Variants in HEATR5B observed in about 807,000 individuals in gnomAD.
The protein encoded by HEATR5B is HEAT repeat containing 5B, also known as HEAT repeat-containing protein 5B.
In HEATR5B, 156 loss-of-function variants were observed where a neutral mutation model predicts 224.1. That is an observed-to-expected ratio of 0.70 (90% CI 0.61 to 0.80). The LOEUF (loss-of-function observed/expected upper bound fraction) is 0.80, where lower values mean the gene tolerates loss of function less well. Among genes scored for constraint, HEATR5B ranks in the 30% least tolerant of loss-of-function variants. HEATR5B has a pLI of 0.00. For missense variants in HEATR5B, 2,323 were observed against 2,535.5 expected (o/e 0.92, Z 1.80); for synonymous variants, 1,027 against 893.0 (o/e 1.15, Z -2.68).
chr2:37,060,798 CA>C (rs1168848392), intron 11 of HEATR5B, 65 bp from the exon 12 acceptor site: 2 of 1,340,582 alleles, frequency 1.5e-6, no homozygotes, highest in African/African-American at 2.9e-5. Flanking sequence ...AAGTGTCAAG[CA>C]AAATGAGCCC....
Position 37,045,778 on chromosome 2 carries a change from T to G in HEATR5B, c.2696+3875A>C, listed in dbSNP as rs532618668. Among the ~76,000 whole-genome samples, 19 of 152,332 alleles carry G rather than the reference T, an allele frequency of 1.2e-4. No homozygotes were observed. In the East Asian group the frequency reaches 3.3e-3, roughly 26 times the overall value. On this transcript the variant is annotated intron_variant, in intron 18 of 35. Coordinates refer to ENST00000233099, the MANE Select transcript of HEATR5B (RefSeq NM_019024.3). ...CTCAAGTTTGGGTTTCCTATTTCTGTACTTAAGCCTGGAAACTTTCTTCAA... is the reference window on the plus strand; with the variant it reads ...CTCAAGTTTGGGTTTCCTATTTCTGGACTTAAGCCTGGAAACTTTCTTCAA...
intron 32 of HEATR5B, 98 bp downstream of exon 32, chr2:37,002,208 A>G (rs888615423): frequency 2.3e-6 from 3 of 1,301,232 alleles, no homozygotes; most frequent in Non-Finnish European, 3.2e-6. Flanking sequence ...CTTGAGATTT[A>G]AGAGGAAACT....
intron 34 of HEATR5B, 100 bp from the exon 35 acceptor site, chr2:36,988,959 C>T (rs1666135629): frequency 1.2e-6 from 1 of 826,818 alleles, no homozygotes. Flanking sequence ...AGTGATACTG[C>T]AGGACAAAAA....
intron 24 of HEATR5B, among the ~76,000 whole-genome samples, chr2:37,022,484 A>G (rs1668525845): frequency 6.6e-6 from 1 of 152,106 alleles, no homozygotes; most frequent in African/African-American, 2.4e-5. Flanking sequence ...GGCTCAGGCT[A>G]TATTATCTCC....
intron 6 of HEATR5B, among the ~76,000 whole-genome samples, chr2:37,071,745 T>C (rs913284660): frequency 6.6e-6 from 1 of 151,734 alleles, no homozygotes; most frequent in African/African-American, 2.4e-5. Flanking sequence ...AGTACAGTGG[T>C]GCGATCTTGG....
chr2:36,991,648 T>C (rs989788294), intron 33 of HEATR5B, among the ~76,000 whole-genome samples: 1 of 152,204 alleles, frequency 6.6e-6, no homozygotes, highest in African/African-American at 2.4e-5. Flanking sequence ...TGAACATTTA[T>C]TCTAAAGAAC....
Position 37,056,601 on chromosome 2 carries a change from A to C in HEATR5B, c.2238T>G (p.Ser746Arg). The C allele has an allele frequency of 6.3e-7, 1 of 1,597,162 alleles. No individual in the cohort carries two copies. Among genetic ancestry groups the C allele is most frequent in the Non-Finnish European group, 8.5e-7 (1 of 1,173,608 alleles). The change falls in exon 16 of 36, where the codon AGT (serine) becomes AGG (arginine). Residue 746 changes from serine (S) to arginine (R), a missense_variant. By Grantham distance (110) the Ser-to-Arg change is moderately radical. Around this residue, in one of 12 missense-constraint regions of HEATR5B, gnomAD observed 170 missense variants for 216.7 expected, o/e 0.78. Coordinates refer to ENST00000233099, the MANE Select transcript of HEATR5B (RefSeq NM_019024.3). Reference protein sequence around the residue: ...KSIEDQLQPNSASGSGALEHD... With the variant: ...KSIEDQLQPNRASGSGALEHD... ...GCTCCAGAGCCCCACTTCCAGAGGC[A>C]CTGTTTGGCTGGAGCTGCAAAAGAG...
At position 37,032,669 on chromosome 2, in the gene HEATR5B, G is replaced by C. The variant is rs755158079; in HGVS notation, c.3321C>G (p.Ser1107Arg). ...EAAEVCEYAM[S>R]LAKNTGDKES... ...CTTTGTCCCCTGTATTTTTTGCCAG[G>C]CTCATGGCATATTCACATACTTCCG... Residue 1107 changes from serine (S) to arginine (R), a missense_variant, in exon 22 of 36, where the codon AGC becomes AGG. Ser to Arg is a moderately radical substitution (Grantham distance 110). This residue lies in a region of HEATR5B where 339 missense variants were observed against 378.4 expected (regional missense o/e 0.90). Transcript: ENST00000233099. The C allele has an allele frequency of 6.2e-7, 1 of 1,613,480 alleles. No homozygotes were observed. The highest frequency in any genetic ancestry group is 1.1e-5 in the South Asian group (1 of 90,942).
chr2:37,001,273 A>G (rs1163976067), intron 32 of HEATR5B, among the ~76,000 whole-genome samples: 1 of 152,182 alleles, frequency 6.6e-6, no homozygotes, highest in Non-Finnish European at 1.5e-5. Flanking sequence ...TGGGGCAAGG[A>G]AAGAAGAAAT....
intron 33 of HEATR5B, among the ~76,000 whole-genome samples, chr2:37,000,170 C>T (rs548556736): frequency 6.6e-6 from 1 of 151,738 alleles, no homozygotes; most frequent in Non-Finnish European, 1.5e-5. Flanking sequence ...CTCCACCTCC[C>T]GGGTTCAAGC....
intron 18 of HEATR5B, among the ~76,000 whole-genome samples, chr2:37,043,195 C>A (rs1204615233): frequency 6.6e-6 from 1 of 152,154 alleles, no homozygotes; most frequent in Non-Finnish European, 1.5e-5. Context: ...CAAGTGAGAT[C>A]AAGACCCTGA....
chr2:37,027,988 T>C lies in HEATR5B; in HGVS notation c.3788A>G (p.Glu1263Gly). ...DCLCRIINLC[E>G]NADQAHFDLA... The stretch of plus-strand genomic sequence containing the variant: ...ATCAAAGTGAGCCTGGTCTGCATTC[T>C]CACACAAATTGATGATTCGACACAG... The change falls in exon 24 of 36, where the codon GAG becomes GGG. Residue 1263 changes from glutamate to glycine, a missense_variant. Coordinates refer to ENST00000233099, the MANE Select transcript of HEATR5B (RefSeq NM_019024.3). 1 of 1,614,174 alleles carries C rather than the reference T, an allele frequency of 6.2e-7. No individual in the cohort carries two copies. Among genetic ancestry groups the C allele is most frequent in the East Asian group, 2.2e-5 (1 of 44,886 alleles).
Position 37,068,673 on chromosome 2 carries a change from A to T in HEATR5B, c.1177+8T>A, listed in dbSNP as rs1572930757. 1 of 1,613,792 alleles carries T rather than the reference A, an allele frequency of 6.2e-7. No individual in the cohort carries two copies. Among genetic ancestry groups the T allele is most frequent in the South Asian group, 1.1e-5 (1 of 91,038 alleles). On this transcript the variant is annotated splice_region_variant and intron_variant, in intron 8 of 35. Coordinates refer to ENST00000233099, the MANE Select transcript of HEATR5B (RefSeq NM_019024.3). The stretch of plus-strand genomic sequence containing the variant: ...GTAATCAACACACATAATGATACTG[A>T]TTCTTACCTACGGCTTTCATTTGTT...
chr2:37,013,011 G>A (rs750624637), intron 27 of HEATR5B, among the ~76,000 whole-genome samples: 1 of 152,148 alleles, frequency 6.6e-6, no homozygotes, highest in South Asian at 2.1e-4. Context: ...TCTCACCCCC[G>A]TATTCTCAAC....
At chr2:37,076,814 G>A (rs887866888) in intron 4 of HEATR5B, 97 bp downstream of exon 4, 2 of 864,168 alleles carry the variant, frequency 2.3e-6, no homozygotes, top group Non-Finnish European at 3.7e-6. Context: ...TAAGCAATAT[G>A]AGACCACAGT....
chr2:37,084,067 C>G (rs1042201259), intron 1 of HEATR5B, among the ~76,000 whole-genome samples: 2 of 152,208 alleles, frequency 1.3e-5, no homozygotes, highest in African/African-American at 4.8e-5. Context: ...AGCGGCGGAC[C>G]CGGGGAAACA....
intron 29 of HEATR5B, among the ~76,000 whole-genome samples, chr2:37,006,411 G>T (rs748957892): frequency 1.3e-5 from 2 of 152,222 alleles, no homozygotes; most frequent in Non-Finnish European, 2.9e-5. Context: ...CCCAGCCGAG[G>T]TGGGTGGATC....
intron 13 of HEATR5B, 25 bp downstream of exon 13, chr2:37,058,863 G>C (rs369600800): frequency 7.3e-7 from 1 of 1,367,814 alleles, no homozygotes. Context: ...AATAGGATGT[G>C]AACTTGTCTC....
intron 33 of HEATR5B, among the ~76,000 whole-genome samples, chr2:36,992,532 G>A (rs1337522364): frequency 2.0e-5 from 3 of 151,736 alleles, no homozygotes; most frequent in Non-Finnish European, 2.9e-5. Context: ...AGTGAGCTGC[G>A]TTCATGCCAC....
Sources: allele counts gnomAD v4.1 joint callset (sites outside exome capture counted in the v4.1 genomes callset), GRCh38; gene constraint gnomAD v4.1.1; regional missense constraint gnomAD v4.1.1; transcripts MANE v1.5; gene names NCBI Gene and HGNC (gene_info 2026-07-23, HGNC 2026-07-21).